The following KREMEN2 variants were observed in gnomAD, a reference collection of about 807,000 sequenced individuals.
The protein encoded by KREMEN2 is kremen protein 2.
KREMEN2 carries 43 observed loss-of-function variants against 49.8 expected under a neutral mutation model. The observed-to-expected ratio is 0.86, with a 90% CI of 0.68 to 1.11. The LOEUF (loss-of-function observed/expected upper bound fraction) is 1.11, where lower values mean the gene tolerates loss of function less well. Ranked by LOEUF, KREMEN2 falls within the 50% of genes most tolerant of loss-of-function variation. KREMEN2 has a pLI of 0.00. For missense variants in KREMEN2, 686 were observed against 665.7 expected, an observed-to-expected ratio of 1.03 and a Z score of -0.34; for synonymous variants, 355 against 304.9, an observed-to-expected ratio of 1.16 and a Z score of -1.71.
Position 2,968,373 on chromosome 16 carries a change from CT to C in KREMEN2, c.*356del. 1.3e-6 allele frequency: 2 copies of C among 1,535,654 alleles called. No individual in the cohort carries two copies. The highest frequency in any genetic ancestry group is 2.4e-5 in the South Asian group (2 of 84,064). On this transcript the variant is annotated 3_prime_UTR_variant, in exon 9 of 9. Transcript: ENST00000303746. Reference sequence around the variant, plus strand: ...CCACAGATTTTGAATAAAGGATCTACTTTGGTACGGGCCTCGAAAGTTCTTC... The same window carrying C: ...CCACAGATTTTGAATAAAGGATCTACTTGGTACGGGCCTCGAAAGTTCTTC...
rs544471729 is a variant in KREMEN2 at position 2,967,658 on chromosome 16, C to A, written c.1178+54C>A. 112 of 1,538,938 alleles carry A rather than the reference C, an allele frequency of 7.3e-5. No homozygotes were observed. The African/African-American group carries it at 1.5e-3, about 20-fold the overall frequency. On this transcript the variant is annotated intron_variant, in intron 8 of 8. Transcript: ENST00000303746. ...GCGGACCGGTGGTGGGGAGCTGGAG[C>A]CCCAGAAGGGAACAGAGCTAGGAAG...
chr16:2,965,597 C>A (rs1048958529), intron 2 of KREMEN2, among the ~76,000 whole-genome samples: 1 of 152,056 alleles, frequency 6.6e-6, no homozygotes, highest in African/African-American at 2.4e-5. Context: ...TGGTGAAACC[C>A]CATTTCTACT....
chr16:2,967,508 G>A lies in KREMEN2; in HGVS notation c.1100-18G>A. 2.0e-6 allele frequency: 3 copies of A among 1,527,130 alleles called. No individual in the cohort carries two copies. The highest frequency in any genetic ancestry group is 2.6e-6 in the Non-Finnish European group (3 of 1,143,568). The allele number at this position is 1,527,130 out of a possible 1,614,324, so 94.6% of individuals were successfully genotyped here. ...CCGCCCCCTCGCGCCCATCCTCACC[G>A]CAGCCGTGTGCCCGCAGCCCGGGTC... On this transcript the variant is annotated intron_variant, in intron 7 of 8. Transcript: ENST00000303746.
Position 2,964,870 on chromosome 16 carries a change from T to C in KREMEN2, c.106T>C (p.Cys36Arg). 1 of 1,610,870 alleles carries C rather than the reference T, an allele frequency of 6.2e-7. No homozygotes were observed. Among genetic ancestry groups the C allele is most frequent in the East Asian group, 2.2e-5 (1 of 44,710 alleles). Reference sequence around the variant, plus strand: ...CCTTTGCCGTGCAGGCCTGTCCGAATGCTTCCAGGTGAATGGGGCTGACTA... The same window carrying C: ...CCTTTGCCGTGCAGGCCTGTCCGAACGCTTCCAGGTGAATGGGGCTGACTA... ...GSLHSPGLSE[C>R]FQVNGADYRG... The change falls in exon 2 of 9, where the codon TGC (cysteine) becomes CGC (arginine). Residue 36 changes from cysteine to arginine, a missense_variant. Cys to Arg is a radical substitution (Grantham distance 180, BLOSUM62 -3). Transcript: ENST00000303746.
rs760062342 is a variant in KREMEN2 at position 2,964,579 on chromosome 16, C to G, written c.59C>G (p.Pro20Arg). Residue 20 changes from proline (P) to arginine (R), a missense_variant, in exon 1 of 9, where the codon CCG (proline) becomes CGG (arginine). Physicochemically the swap from Pro to Arg is moderately radical, Grantham distance 103. Coordinates refer to ENST00000303746, the MANE Select transcript of KREMEN2 (RefSeq NM_172229.3). ...LFLLFLPLLQ[P>R]RGASAGSLHS... is the part of the protein sequence containing the mutation. The stretch of plus-strand genomic sequence containing the variant: ...CTCCTCTTCCTCCCGCTGCTGCAGC[C>G]GCGTGGGGCCTCGGCTGGGAGCCTG... 6.2e-7 allele frequency: 1 copy of G among 1,608,372 alleles called. No homozygotes were observed. The highest frequency in any genetic ancestry group is 1.1e-5 in the South Asian group (1 of 90,466).
At position 2,964,607 on chromosome 16, in the gene KREMEN2, C is replaced by T. The variant is rs575910520; in HGVS notation, c.87C>T (p.His29=). 5 of 1,603,934 alleles carry T rather than the reference C, an allele frequency of 3.1e-6. No homozygotes were observed. In the South Asian group the frequency reaches 4.4e-5, roughly 14 times the overall value. The part of the protein sequence containing the change: ...QPRGASAGSL[H]SPGLSECFQV... ...GTGGGGCCTCGGCTGGGAGCCTGCA[C>T]AGTCCAGGTAAGTCCCCGCACGGCT... The change falls in exon 1 of 9, where the codon CAC becomes CAT. Residue 29 remains histidine (H), a synonymous_variant. Coordinates refer to ENST00000303746, the MANE Select transcript of KREMEN2 (RefSeq NM_172229.3).
At position 2,964,462 on chromosome 16, in the gene KREMEN2, A is replaced by C; in HGVS notation, c.-59A>C. On this transcript the variant is annotated 5_prime_UTR_variant, in exon 1 of 9. Coordinates refer to ENST00000303746, the MANE Select transcript of KREMEN2 (RefSeq NM_172229.3). ...AGGTCTCCTGGGAGACCCCGAAGCG[A>C]CCCCGGGGGCAGCCCGGGCCGTGTC... 1 of 1,296,130 alleles carries C rather than the reference A, an allele frequency of 7.7e-7. No individual in the cohort carries two copies. The highest frequency in any genetic ancestry group is 1.1e-6 in the Non-Finnish European group (1 of 943,880). 80.3% of individuals were successfully genotyped at this position (1,296,130 alleles called of 1,614,324 possible). A position where few individuals can be genotyped will look rare whatever the true frequency, so the allele number is the denominator to read the frequency against.
At chr16:2,965,736 A>C (rs1311924185) in intron 2 of KREMEN2, among the ~76,000 whole-genome samples, 2 of 148,004 alleles carry the variant, frequency 1.4e-5, no homozygotes, top group African/African-American at 5.1e-5. Flanking sequence ...GCGCCAATGC[A>C]CTCTAGCCTG....
chr16:2,966,581 C>A lies in KREMEN2; in HGVS notation c.487-61C>A. The A allele has an allele frequency of 1.3e-6, 2 of 1,564,740 alleles. No individual in the cohort carries two copies. The highest frequency in any genetic ancestry group is 1.7e-6 in the Non-Finnish European group (2 of 1,158,622). Reference sequence around the variant, plus strand: ...GCCCGATTCCCACCCCGACCCCAGGCCCCCACCACTTCACCCCTACCCCAG... The same window carrying A: ...GCCCGATTCCCACCCCGACCCCAGGACCCCACCACTTCACCCCTACCCCAG... On this transcript the variant is annotated intron_variant, in intron 4 of 8. Transcript: ENST00000303746. This position sits in a 1 kb window ranked among gnomAD's most constrained non-coding sequence, Gnocchi z 8.4.
chr16:2,967,274 G>A (rs1405562325), intron 6 of KREMEN2, 32 bp downstream of exon 6: 1 of 1,363,888 alleles, frequency 7.3e-7, no homozygotes, highest in East Asian at 3.1e-5. Context: ...CCTGCCCGCT[G>A]TTCCCACCCC....
In KREMEN2 at chr16:2,965,694, C is replaced by G. The variant is rs909366646; in HGVS notation, c.270-446C>G. Among the ~76,000 whole-genome samples, 11 of 151,194 alleles carry G rather than the reference C, an allele frequency of 7.3e-5. No homozygotes were observed. In the South Asian group the frequency reaches 2.3e-3, roughly 31 times the overall value. ...GCTGAGGCAGGAGAATCGCTTGAAC[C>G]CGGGAGGCGGAGCTTGCAGTGAGCA... is the stretch of plus-strand genomic sequence containing the variant. On this transcript the variant is annotated intron_variant, in intron 2 of 8. Transcript: ENST00000303746.
chr16:2,965,769 C>CAAAAAAAA (rs5815141), intron 2 of KREMEN2, among the ~76,000 whole-genome samples: 10 of 115,624 alleles, frequency 8.6e-5, no homozygotes, highest in African/African-American at 3.3e-4. Context: ...AGACTCGTCT[C>CAAAAAAAA]AAAAAAAAAA....
rs2071876286 is a variant in KREMEN2 at position 2,968,019 on chromosome 16, G to C, written c.1388G>C (p.Ter463SerextTer31). The C allele has an allele frequency of 6.4e-7, 1 of 1,554,050 alleles. No homozygotes were observed. The highest frequency in any genetic ancestry group is 8.6e-7 in the Non-Finnish European group (1 of 1,156,644). The stretch of plus-strand genomic sequence containing the variant: ...CTGCGCTCGCTCATCTCCGCTCTCT[G>C]ACTCTGGGCCCCGAGGGTCCGCTGG... ...SSLRSLISAL[*>S] Residue 463 changes from the stop codon to serine, a stop_lost, in exon 9 of 9, where the codon TGA becomes TCA. Transcript: ENST00000303746.
rs1228308843 is a variant in KREMEN2, at chr16:2,964,565, C to G, written c.45C>G (p.Leu15=). Residue 15 remains leucine (L), a synonymous_variant, in exon 1 of 9, where the codon CTC becomes CTG. Coordinates refer to ENST00000303746, the MANE Select transcript of KREMEN2 (RefSeq NM_172229.3). ...ALQGFLFLLF[L]PLLQPRGASA... ...AGGGCTTCCTCTTTCTCCTCTTCCT[C>G]CCGCTGCTGCAGCCGCGTGGGGCCT... 1.9e-6 allele frequency: 3 copies of G among 1,608,532 alleles called. No individual in the cohort carries two copies. The Admixed American group carries it at 5.0e-5, about 27-fold the overall frequency.
rs1451565376 is a variant in KREMEN2 at position 2,967,863 on chromosome 16, G to A, written c.1232G>A (p.Gly411Asp). The stretch of plus-strand genomic sequence containing the variant: ...CCCCCGGCGCTGGGGGCTTCCAGGG[G>A]CCCCAGGAGAAGCTGGGCTGTGTGG... ...KGPPALGASR[G>D]PRRSWAVWYQ... Residue 411 changes from glycine to aspartate, a missense_variant, in exon 9 of 9, where the codon GGC (glycine) becomes GAC (aspartate). Coordinates refer to ENST00000303746, the MANE Select transcript of KREMEN2 (RefSeq NM_172229.3). 9 of 1,553,684 alleles carry A rather than the reference G, an allele frequency of 5.8e-6. No individual in the cohort carries two copies. The African/African-American group carries it at 6.8e-5, about 12-fold the overall frequency.
chr16:2,965,480 G>A (rs1475494364), intron 2 of KREMEN2, among the ~76,000 whole-genome samples: 2 of 152,198 alleles, frequency 1.3e-5, no homozygotes, highest in African/African-American at 4.8e-5. Context: ...GCTTTTAAGT[G>A]GGGTTGGAGG....
chr16:2,964,606 A>G lies in KREMEN2; in HGVS notation c.86A>G (p.His29Arg). The change falls in exon 1 of 9, where the codon CAC becomes CGC. Residue 29 changes from histidine (H) to arginine (R), a missense_variant. By Grantham distance (29) the His-to-Arg change is conservative (BLOSUM62 0). Transcript: ENST00000303746. Reference sequence around the variant, plus strand: ...CGTGGGGCCTCGGCTGGGAGCCTGCACAGTCCAGGTAAGTCCCCGCACGGC... The same window carrying G: ...CGTGGGGCCTCGGCTGGGAGCCTGCGCAGTCCAGGTAAGTCCCCGCACGGC... ...QPRGASAGSLHSPGLSECFQV... is the reference protein window; with the variant it reads ...QPRGASAGSLRSPGLSECFQV... 3.7e-6 allele frequency: 6 copies of G among 1,604,364 alleles called. No individual in the cohort carries two copies. Among genetic ancestry groups the G allele is most frequent in the Non-Finnish European group, 5.1e-6 (6 of 1,176,434 alleles).
At position 2,966,718 on chromosome 16, in the gene KREMEN2, C is replaced by T; in HGVS notation, c.563C>T (p.Ala188Val). ...CTGGCCCGGGGACGCCTGGCCCCCGCCACCGACTGTGACCAGATCTGTTTC... is the reference window on the plus strand; with the variant it reads ...CTGGCCCGGGGACGCCTGGCCCCCGTCACCGACTGTGACCAGATCTGTTTC... Reference protein sequence around the residue: ...SDLARGRLAPATDCDQICFGH... With the variant: ...SDLARGRLAPVTDCDQICFGH... Residue 188 changes from alanine (A) to valine (V), a missense_variant, in exon 5 of 9, where the codon GCC (alanine) becomes GTC (valine). Coordinates refer to ENST00000303746, the MANE Select transcript of KREMEN2 (RefSeq NM_172229.3). This position sits in a 1 kb window ranked among gnomAD's most constrained non-coding sequence, Gnocchi z 8.4. The T allele has an allele frequency of 6.2e-7, 1 of 1,611,846 alleles. No individual in the cohort carries two copies. Among genetic ancestry groups the T allele is most frequent in the South Asian group, 1.1e-5 (1 of 91,070 alleles).
intron 8 of KREMEN2, 52 bp downstream of exon 8, chr16:2,967,656 A>G: frequency 6.5e-7 from 1 of 1,538,280 alleles, no homozygotes. Context: ...GGGGAGCTGG[A>G]GCCCCAGAAG....
Sources: allele counts gnomAD v4.1 joint callset (sites outside exome capture counted in the v4.1 genomes callset), GRCh38; gene constraint gnomAD v4.1.1; non-coding constraint Gnocchi (gnomAD v3.1); transcripts MANE v1.5; gene names NCBI Gene and HGNC (gene_info 2026-07-23, HGNC 2026-07-21).